Variants in CBLN2 observed in about 807,000 individuals in gnomAD.
CBLN2 encodes cerebellin 2 precursor, also known as cerebellin-2.
In CBLN2, 7 loss-of-function variants were observed where a neutral mutation model predicts 15.0. That is an observed-to-expected ratio of 0.47 (90% CI 0.27 to 0.88). The LOEUF is 0.88. Among genes scored for constraint, CBLN2 ranks in the 40% least tolerant of loss-of-function variants. CBLN2 has a pLI of 0.14. For missense variants in CBLN2, 242 were observed against 304.5 expected (o/e 0.79, Z 1.53); for synonymous variants, 149 against 135.2 (o/e 1.10, Z -0.71).
chr18:72,560,992 G>C (rs1416814564), intron 1 of CBLN2, among the ~76,000 whole-genome samples: 6 of 152,086 alleles, frequency 3.9e-5, no homozygotes, highest in Non-Finnish European at 8.8e-5. Flanking sequence ...CTGGGTGACA[G>C]AGCGAGACTC....
chr18:72,634,776 C>T (rs2069801140), intron 1 of CBLN2, among the ~76,000 whole-genome samples: 1 of 152,114 alleles, frequency 6.6e-6, no homozygotes, highest in South Asian at 2.1e-4. Flanking sequence ...ACAGATTTTG[C>T]AAGTCCCTAA....
At chr18:72,616,260 G>A (rs547496536) in intron 1 of CBLN2, among the ~76,000 whole-genome samples, 3 of 152,126 alleles carry the variant, frequency 2.0e-5, no homozygotes, top group Non-Finnish European at 4.4e-5. Context: ...GTTTCATAAG[G>A]CCCCATGTTT....
intron 4 of CBLN2, 45 bp from the exon 5 acceptor site, chr18:72,538,418 C>T (rs769040280): frequency 1.3e-6 from 2 of 1,589,604 alleles, no homozygotes; most frequent in Non-Finnish European, 1.7e-6. Flanking sequence ...AAGCACCCAA[C>T]TCCCACACAC....
At chr18:72,541,633 G>A (rs1034353792) in intron 3 of CBLN2, among the ~76,000 whole-genome samples, 171 bp downstream of exon 3, 5 of 152,334 alleles carry the variant, frequency 3.3e-5, no homozygotes, top group East Asian at 3.9e-4. Flanking sequence ...TGTGGAAAAG[G>A]GAAAGAGTAG....
At chr18:72,611,359 A>G (rs938423675) in intron 1 of CBLN2, among the ~76,000 whole-genome samples, 2 of 152,214 alleles carry the variant, frequency 1.3e-5, no homozygotes, top group Non-Finnish European at 2.9e-5. Flanking sequence ...CATTCCCACC[A>G]GTAGTGTATA....
At chr18:72,545,420 G>A (rs558943999), upstream of CBLN2, among the ~76,000 whole-genome samples, 1 of 152,298 alleles carries the variant, frequency 6.6e-6, no homozygotes, top group South Asian at 2.1e-4. Flanking sequence ...ATCCTCCTAA[G>A]CTATACTCAC....
chr18:72,567,960 G>T (rs535420369), intron 1 of CBLN2, among the ~76,000 whole-genome samples: 1 of 152,160 alleles, frequency 6.6e-6, no homozygotes, highest in Non-Finnish European at 1.5e-5. Flanking sequence ...TAAAACTATT[G>T]TTAGGATTAA....
Position 72,536,762 on chromosome 18 carries a change from C to A in CBLN2, c.*1414G>T, listed in dbSNP as rs1205584537. ...TTTGGTTACATTGTTACACAAAGAA[C>A]AAATTAACATCTGGTTTGAGGTCTC... is the stretch of plus-strand genomic sequence containing the variant. On this transcript the variant is annotated 3_prime_UTR_variant, in exon 5 of 5. Coordinates refer to ENST00000269503, the MANE Select transcript of CBLN2 (RefSeq NM_182511.4). 1 of 152,572 alleles carries A rather than the reference C, an allele frequency of 6.6e-6. No individual in the cohort carries two copies. The highest frequency in any genetic ancestry group is 1.5e-5 in the Non-Finnish European group (1 of 68,036). The allele number at this position is 152,572 out of a possible 1,614,324, so 9.5% of individuals were successfully genotyped here.
intron 1 of CBLN2, among the ~76,000 whole-genome samples, chr18:72,613,967 T>C (rs2069640494): frequency 6.6e-6 from 1 of 152,196 alleles, no homozygotes; most frequent in African/African-American, 2.4e-5. Flanking sequence ...CAGAGATGTG[T>C]TTTGAAGTTC....
At chr18:72,544,420 T>A (rs533682266), upstream of CBLN2, 6 of 152,276 alleles carry the variant, frequency 3.9e-5, no homozygotes, top group East Asian at 1.2e-3. Context: ...GGAGACGCGC[T>A]GGGTTTCCCA....
intron 1 of CBLN2, among the ~76,000 whole-genome samples, chr18:72,560,876 G>T (rs2069255938): frequency 6.6e-6 from 1 of 152,110 alleles, no homozygotes; most frequent in Admixed American, 6.6e-5. Context: ...GGGAGTGGTG[G>T]TGGGCGCCTG....
intron 1 of CBLN2, among the ~76,000 whole-genome samples, chr18:72,590,222 G>A (rs979398887): frequency 1.7e-4 from 26 of 151,504 alleles, no homozygotes; most frequent in Non-Finnish European, 2.5e-4. Context: ...CTGAGATGGC[G>A]CCACTGCACT....
At position 72,542,127 on chromosome 18, in the gene CBLN2, G is replaced by A. The variant is rs770749696; in HGVS notation, c.34C>T (p.Arg12Trp). The part of the protein sequence containing the change: ...QAPGRGPLGL[R>W]LMMPGRRGAL... ...CCCCGGCGCCCGGGCATCATCAGCC[G>A]CAGCCCGAGTGGCCCCCGGCCGGGC... The change falls in exon 3 of 5, where the codon CGG becomes TGG. Residue 12 changes from arginine (R) to tryptophan (W), a missense_variant. Arg to Trp is a moderately radical substitution (Grantham distance 101). Around this residue, in one of 4 missense-constraint regions of CBLN2, gnomAD observed 96 missense variants for 83.8 expected, o/e 1.15. Transcript: ENST00000269503. The A allele has an allele frequency of 4.4e-6, 6 of 1,369,642 alleles. No homozygotes were observed. Among genetic ancestry groups the A allele is most frequent in the Non-Finnish European group, 5.6e-6 (6 of 1,070,998 alleles). 84.8% of individuals were successfully genotyped at this position (1,369,642 alleles called of 1,614,324 possible). A position where few individuals can be genotyped will look rare whatever the true frequency, so the allele number is the denominator to read the frequency against.
chr18:72,565,114 C>G (rs1194953624), intron 1 of CBLN2, among the ~76,000 whole-genome samples: 2 of 152,122 alleles, frequency 1.3e-5, no homozygotes, highest in African/African-American at 4.8e-5. Context: ...CAGCAAAGAT[C>G]AGCATTACAA....
intron 1 of CBLN2, chr18:72,620,534 C>T (rs1353750303): frequency 6.6e-6 from 1 of 152,254 alleles, no homozygotes; most frequent in Non-Finnish European, 1.5e-5. Context: ...CTGCTTCTCC[C>T]TTTCTCTCTG....
At chr18:72,563,310 T>C (rs1202580492) in intron 1 of CBLN2, among the ~76,000 whole-genome samples, 3 of 152,194 alleles carry the variant, frequency 2.0e-5, no homozygotes, top group Non-Finnish European at 2.9e-5. Context: ...TTATTAATAT[T>C]TGCATTATTT....
chr18:72,581,130 A>T (rs112596536), intron 1 of CBLN2, among the ~76,000 whole-genome samples: 7,363 of 152,250 alleles, frequency 0.048, 270 homozygotes, highest in South Asian at 0.079. Context: ...CTGCTCTTTG[A>T]TATAAATCCT....
At chr18:72,563,105 C>T (rs946395243) in intron 1 of CBLN2, among the ~76,000 whole-genome samples, 1 of 152,190 alleles carries the variant, frequency 6.6e-6, no homozygotes, top group African/African-American at 2.4e-5. Flanking sequence ...GATGCTCTCT[C>T]ACACAAAGAC....
At chr18:72,618,734 AC>A (rs2069679815) in intron 1 of CBLN2, 1 of 719,120 alleles carries the variant, frequency 1.4e-6, no homozygotes, top group African/African-American at 1.7e-5. Context: ...GATGACCATG[AC>A]TCCGTGGATG....
Sources: allele counts gnomAD v4.1 joint callset (sites outside exome capture counted in the v4.1 genomes callset), GRCh38; gene constraint gnomAD v4.1.1; regional missense constraint gnomAD v4.1.1; transcripts MANE v1.5; gene names NCBI Gene and HGNC (gene_info 2026-07-23, HGNC 2026-07-21).